KLHL18: variants seen among roughly 807,000 people sequenced by gnomAD.
KLHL18 encodes the protein kelch-like protein 18.
A neutral mutation model predicts 58.5 loss-of-function variants in KLHL18; 38 were observed. The observed-to-expected ratio is 0.65, with a 90% CI of 0.50 to 0.85. KLHL18 has a LOEUF of 0.85. Among genes scored for constraint, KLHL18 ranks in the 40% least tolerant of loss-of-function variants. KLHL18 has a pLI of 0.00. For synonymous variants in KLHL18, 303 were observed against 301.9 expected (o/e 1.00, Z -0.04); for missense variants, 624 against 778.4 (o/e 0.80, Z 2.36).
intron 1 of KLHL18, among the ~76,000 whole-genome samples, chr3:47,295,436 TC>T (rs1318425880): frequency 6.6e-6 from 1 of 152,210 alleles, no homozygotes; most frequent in African/African-American, 2.4e-5. Context: ...GCTCTAGTGT[TC>T]CTTTGGCTTG....
intron 1 of KLHL18, among the ~76,000 whole-genome samples, chr3:47,294,376 A>G (rs1702853364): frequency 6.6e-6 from 1 of 152,190 alleles, no homozygotes; most frequent in Non-Finnish European, 1.5e-5. Context: ...CTTACATCCT[A>G]GTGGAGTAGC....
chr3:47,335,767 C>G (rs529712334), intron 6 of KLHL18, among the ~76,000 whole-genome samples: 1 of 152,172 alleles, frequency 6.6e-6, no homozygotes, highest in South Asian at 2.1e-4. Flanking sequence ...CTTGGCCTCC[C>G]AAAGTGCTGG....
At position 47,342,809 on chromosome 3, in the gene KLHL18, T is replaced by C. The variant is rs765535024; in HGVS notation, c.1317T>C (p.Asp439=). 3.1e-6 allele frequency: 5 copies of C among 1,614,074 alleles called. No individual in the cohort carries two copies. Among genetic ancestry groups the C allele is most frequent in the Middle Eastern group, 1.6e-4 (1 of 6,062 alleles). ...EGRIYVSGGH[D]GLQIFSSVEH... ...GGATATATGTGTCAGGCGGCCATGA[T>C]GGTTTGCAGATCTTCAGCAGTGTGA... is the stretch of plus-strand genomic sequence containing the variant. Residue 439 remains aspartate (D), a synonymous_variant, in exon 9 of 10, where the codon GAT becomes GAC. Coordinates refer to ENST00000232766, the MANE Select transcript of KLHL18 (RefSeq NM_025010.5).
chr3:47,336,580 G>C lies in KLHL18; in HGVS notation c.944G>C (p.Cys315Ser). 1 of 1,614,216 alleles carries C rather than the reference G, an allele frequency of 6.2e-7. No individual in the cohort carries two copies. The highest frequency in any genetic ancestry group is 8.5e-7 in the Non-Finnish European group (1 of 1,180,026). ...GAAGTGTTCGACCCCATTGCCAATT[G>C]CTGGGAGAGATGCCGTCCCATGACA... The part of the protein sequence containing the change: ...VVEVFDPIAN[C>S]WERCRPMTTA... Residue 315 changes from cysteine to serine, a missense_variant, in exon 7 of 10, where the codon TGC becomes TCC. Cys to Ser is a moderately radical substitution (Grantham distance 112). Coordinates refer to ENST00000232766, the MANE Select transcript of KLHL18 (RefSeq NM_025010.5).
chr3:47,285,070 C>T (rs1702646059), intron 1 of KLHL18, among the ~76,000 whole-genome samples: 2 of 152,194 alleles, frequency 1.3e-5, no homozygotes, highest in Non-Finnish European at 2.9e-5. Context: ...ACCTCAGCCT[C>T]CCAAAGTGCT....
At chr3:47,311,513 A>G (rs1351425514) in intron 1 of KLHL18, among the ~76,000 whole-genome samples, 1 of 152,056 alleles carries the variant, frequency 6.6e-6, no homozygotes, top group Non-Finnish European at 1.5e-5. Flanking sequence ...TAACATAGTG[A>G]AACCCCGTCT....
intron 1 of KLHL18, among the ~76,000 whole-genome samples, chr3:47,313,648 TTAC>T (rs1176218113): frequency 6.6e-6 from 1 of 152,228 alleles, no homozygotes; most frequent in Admixed American, 6.5e-5. Flanking sequence ...TTCTTCAGTT[TTAC>T]TTTTATTCAT....
In KLHL18 at chr3:47,341,384, G is replaced by A. The variant is rs938916785; in HGVS notation, c.1226+708G>A. Among the ~76,000 whole-genome samples, 4 of 152,156 alleles carry A rather than the reference G, an allele frequency of 2.6e-5. No individual in the cohort carries two copies. The South Asian group carries it at 8.3e-4, about 32-fold the overall frequency. On this transcript the variant is annotated intron_variant, in intron 8 of 9. Transcript: ENST00000232766. ...CTACTGTGGATCAGACAGCAAGCTG[G>A]GTGTCTGAGATCCTTTAAAGCATCC...
chr3:47,333,936 G>C (rs1391182592), intron 5 of KLHL18, among the ~76,000 whole-genome samples: 1 of 152,200 alleles, frequency 6.6e-6, no homozygotes, highest in Non-Finnish European at 1.5e-5. Context: ...TTCTCCTCCA[G>C]ATTGCTTATC....
rs148306287 is a variant in KLHL18, at chr3:47,342,746, G to A, written c.1254G>A (p.Ser418=). ...DKWTVVTSMS[S]NRSAAGVTVF... ...GGACAGTGGTGACCTCGATGAGCTC[G>A]AATCGCAGTGCTGCTGGGGTTACAG... Residue 418 remains serine, a synonymous_variant, in exon 9 of 10, where the codon TCG becomes TCA. Transcript: ENST00000232766. 93 of 1,614,156 alleles carry A rather than the reference G, an allele frequency of 5.8e-5. No homozygotes were observed. Among genetic ancestry groups the A allele is most frequent in the Non-Finnish European group, 7.2e-5 (85 of 1,180,004 alleles).
chr3:47,321,165 T>C (rs1359260009), intron 2 of KLHL18, among the ~76,000 whole-genome samples: 1 of 151,888 alleles, frequency 6.6e-6, no homozygotes, highest in Admixed American at 6.6e-5. Flanking sequence ...AACCTTTTTT[T>C]TGGGGGGAGT....
chr3:47,342,914 C>A, intron 9 of KLHL18, 84 bp downstream of exon 9: 2 of 1,038,654 alleles, frequency 1.9e-6, no homozygotes, highest in Non-Finnish European at 1.5e-6. Flanking sequence ...GAAAAAACTT[C>A]AGCCTTGCCA....
intron 1 of KLHL18, among the ~76,000 whole-genome samples, chr3:47,295,411 C>T (rs552395801): frequency 6.6e-6 from 1 of 152,296 alleles, no homozygotes; most frequent in South Asian, 2.1e-4. Flanking sequence ...TGTGTTCCCC[C>T]TCCTCTGGGC....
At chr3:47,292,159 A>G (rs1702803406) in intron 1 of KLHL18, among the ~76,000 whole-genome samples, 1 of 152,220 alleles carries the variant, frequency 6.6e-6, no homozygotes, top group South Asian at 2.1e-4. Flanking sequence ...ATATAATGGT[A>G]TATGTGGGCA....
intron 3 of KLHL18, among the ~76,000 whole-genome samples, chr3:47,325,338 C>T (rs2107638522): frequency 6.6e-6 from 1 of 152,290 alleles, no homozygotes; most frequent in Non-Finnish European, 1.5e-5. Flanking sequence ...GCTGGGACTA[C>T]AGGCGCCTGC....
intron 1 of KLHL18, among the ~76,000 whole-genome samples, chr3:47,288,143 C>T (rs564226785): frequency 4.8e-4 from 72 of 150,470 alleles, no homozygotes; most frequent in African/African-American, 1.7e-3. Context: ...ATCGCTTGAA[C>T]CTGGGAGGCG....
At chr3:47,312,881 C>A (rs977485168) in intron 1 of KLHL18, among the ~76,000 whole-genome samples, 2 of 150,292 alleles carry the variant, frequency 1.3e-5, no homozygotes, top group African/African-American at 2.4e-5. Context: ...TAAGATAATT[C>A]AGTGAAATCA....
chr3:47,338,236 CCTT>C (rs1704029675), intron 7 of KLHL18: 1 of 152,252 alleles, frequency 6.6e-6, no homozygotes, highest in African/African-American at 2.4e-5. Flanking sequence ...AGCATTTTCT[CCTT>C]CTCTTCACAC....
intron 1 of KLHL18, among the ~76,000 whole-genome samples, chr3:47,294,504 A>T (rs1320872437): frequency 6.6e-6 from 1 of 152,208 alleles, no homozygotes; most frequent in African/African-American, 2.4e-5. Context: ...CCATGAGGAT[A>T]TCTGAAGGCA....
Sources: allele counts gnomAD v4.1 joint callset (sites outside exome capture counted in the v4.1 genomes callset), GRCh38; gene constraint gnomAD v4.1.1; transcripts MANE v1.5; gene names NCBI Gene and HGNC (gene_info 2026-07-23, HGNC 2026-07-21).